Variants in DGKB observed in about 807,000 individuals in gnomAD.
The protein encoded by DGKB is 90 kDa diacylglycerol kinase.
Under a neutral mutation model 114.3 loss-of-function variants are expected in DGKB, and 67 were observed. That is an observed-to-expected ratio of 0.59 (90% confidence interval 0.48 to 0.72). The LOEUF is 0.72. Among genes scored for constraint, DGKB ranks in the 30% least tolerant of loss-of-function variants. The pLI, the probability that DGKB is intolerant of heterozygous loss-of-function variation, is 0.00. For synonymous variants in DGKB, 398 were observed against 323.1 expected (o/e 1.23, Z -2.49); for missense variants, 907 against 975.2 (o/e 0.93, Z 0.93).
chr7:14,494,809 G>A (rs950441862), intron 20 of DGKB, among the ~76,000 whole-genome samples: 7 of 151,700 alleles, frequency 4.6e-5, no homozygotes, highest in Non-Finnish European at 1.0e-4. Flanking sequence ...CAAATTGTAT[G>A]TCTTTGTTTC....
At chr7:14,422,942 G>A (rs973136810) in intron 21 of DGKB, among the ~76,000 whole-genome samples, 6 of 151,930 alleles carry the variant, frequency 3.9e-5, no homozygotes, top group African/African-American at 1.4e-4. Flanking sequence ...ATCAGCGCCT[G>A]TTTTGCTAGG....
At chr7:14,625,338 C>A (rs1341012026) in intron 14 of DGKB, among the ~76,000 whole-genome samples, 1 of 152,016 alleles carries the variant, frequency 6.6e-6, no homozygotes, top group Admixed American at 6.6e-5. Flanking sequence ...TCTTCTATTT[C>A]CATTGAGAAA....
intron 1 of DGKB, among the ~76,000 whole-genome samples, chr7:14,897,922 G>A (rs1318774338): frequency 3.3e-5 from 5 of 151,976 alleles, no homozygotes; most frequent in Non-Finnish European, 7.4e-5. Context: ...ATTAAAAGAA[G>A]TGTTTATTAA....
At position 14,773,899 on chromosome 7, in the gene DGKB, T is replaced by C. The variant is rs994314868; in HGVS notation, c.71-16168A>G. ...ATGAACCCACATTGCCTTTTAAGTG[T>C]TTTGTAGTCTCTCGGCAAAGGGGGA... On this transcript the variant is annotated intron_variant, in intron 2 of 25. Transcript: ENST00000402815. 2.7e-5 allele frequency among the ~76,000 whole-genome samples: 4 copies of C among 149,530 alleles called. No individual in the cohort carries two copies. In the South Asian group the frequency reaches 8.4e-4, roughly 31 times the overall value.
At chr7:14,208,350 T>C (rs1482850712) in intron 23 of DGKB, among the ~76,000 whole-genome samples, 3 of 152,010 alleles carry the variant, frequency 2.0e-5, no homozygotes, top group Non-Finnish European at 4.4e-5. Flanking sequence ...AGTGCAGTAT[T>C]AGAAGGCCTT....
chr7:14,907,377 T>A (rs1394220813), upstream of DGKB, among the ~76,000 whole-genome samples: 1 of 152,210 alleles, frequency 6.6e-6, no homozygotes, highest in Non-Finnish European at 1.5e-5. Flanking sequence ...AATTACTGGC[T>A]CCATGATTTT....
At chr7:14,452,558 A>G (rs1464161505) in intron 21 of DGKB, among the ~76,000 whole-genome samples, 1 of 152,026 alleles carries the variant, frequency 6.6e-6, no homozygotes, top group South Asian at 2.1e-4. Flanking sequence ...GTGTAACTTG[A>G]TAAGGGCATT....
At chr7:14,698,190 A>C (rs756635686) in intron 7 of DGKB, 21 bp from the exon 8 acceptor site, 1 of 1,400,576 alleles carries the variant, frequency 7.1e-7, no homozygotes, top group African/African-American at 1.5e-5. Context: ...AAGAGAGATA[A>C]AAAATATGAA....
chr7:14,376,446 C>T (rs1236016976), intron 21 of DGKB, among the ~76,000 whole-genome samples: 2 of 152,156 alleles, frequency 1.3e-5, no homozygotes, highest in Non-Finnish European at 2.9e-5. Flanking sequence ...AATAACCTTA[C>T]ATCAGATGAA....
intron 2 of DGKB, among the ~76,000 whole-genome samples, chr7:14,761,999 G>A (rs1835768089): frequency 6.6e-6 from 1 of 152,088 alleles, no homozygotes; most frequent in Admixed American, 6.6e-5. Context: ...CCTATGCTTG[G>A]CTTGACTGGC....
chr7:14,920,014 G>A (rs1784439042), intron 1 of DGKB, among the ~76,000 whole-genome samples: 1 of 152,072 alleles, frequency 6.6e-6, no homozygotes. Context: ...CCTGTCTCAG[G>A]TATTCATTTA....
chr7:14,338,844 AG>A, intron 22 of DGKB, 134 bp from the exon 23 acceptor site: 1 of 528,332 alleles, frequency 1.9e-6, no homozygotes, highest in South Asian at 5.2e-5. Context: ...AAGCCTTTCA[AG>A]AACACTTAAA....
intron 1 of DGKB, among the ~76,000 whole-genome samples, chr7:14,953,062 A>G (rs1033327781): frequency 2.6e-5 from 4 of 152,094 alleles, no homozygotes; most frequent in Admixed American, 6.6e-5. Flanking sequence ...AATTTTCTAA[A>G]AATACACCAT....
At chr7:14,937,384 G>A (rs1224745000) in intron 1 of DGKB, among the ~76,000 whole-genome samples, 2 of 151,872 alleles carry the variant, frequency 1.3e-5, no homozygotes, top group Non-Finnish European at 2.9e-5. Context: ...CATATTTTCA[G>A]CATAATATGG....
chr7:14,638,698 G>T (rs1386198908), intron 13 of DGKB, among the ~76,000 whole-genome samples: 1 of 152,150 alleles, frequency 6.6e-6, no homozygotes, highest in Non-Finnish European at 1.5e-5. Context: ...TTCAATTCCT[G>T]CTATGTTGAC....
At chr7:14,571,859 C>A (rs1393587909) in intron 20 of DGKB, among the ~76,000 whole-genome samples, 1 of 152,058 alleles carries the variant, frequency 6.6e-6, no homozygotes. Context: ...TCTAGGAAAG[C>A]AGTATACACC....
intron 15 of DGKB, among the ~76,000 whole-genome samples, chr7:14,614,149 T>A (rs1321532726): frequency 6.6e-6 from 1 of 152,160 alleles, no homozygotes; most frequent in Non-Finnish European, 1.5e-5. Flanking sequence ...TAATGGAGCT[T>A]ATATTATAGT....
intron 23 of DGKB, among the ~76,000 whole-genome samples, chr7:14,186,526 A>G (rs527865563): frequency 7.2e-4 from 110 of 152,318 alleles, no homozygotes; most frequent in African/African-American, 2.5e-3. Context: ...GGGTGTCTAC[A>G]CAAAGGAAAA....
intron 17 of DGKB, among the ~76,000 whole-genome samples, chr7:14,596,524 G>C (rs10251197): frequency 0.055 from 8,378 of 152,126 alleles, 801 homozygotes; most frequent in African/African-American, 0.19. Context: ...TACACCAGGA[G>C]AACTAGCAAT....
Sources: allele counts gnomAD v4.1 joint callset (sites outside exome capture counted in the v4.1 genomes callset), GRCh38; gene constraint gnomAD v4.1.1; transcripts MANE v1.5; gene names NCBI Gene and HGNC (gene_info 2026-07-23, HGNC 2026-07-21).